AMPH: variants seen among roughly 807,000 people sequenced by gnomAD.
AMPH encodes amphiphysin (Stiff-Mann syndrome with breast cancer 128kD autoantigen).
In AMPH, 49 loss-of-function variants were observed where a neutral mutation model predicts 99.1. The ratio of observed to expected loss-of-function variants is 0.49; its 90% CI spans 0.39 to 0.63. The LOEUF is 0.63. AMPH is among the 20% of genes least tolerant of loss of function. AMPH has a pLI of 0.00. For synonymous variants in AMPH, 314 were observed against 317.3 expected, an observed-to-expected ratio of 0.99 and a Z score of 0.11; for missense variants, 759 against 863.4, an observed-to-expected ratio of 0.88 and a Z score of 1.52.
intron 1 of AMPH, among the ~76,000 whole-genome samples, chr7:38,567,226 C>T (rs1348068097): frequency 6.6e-6 from 1 of 152,148 alleles, no homozygotes; most frequent in African/African-American, 2.4e-5. Flanking sequence ...AGGATGAGTT[C>T]ATGTCCTTTG....
chr7:38,600,741 T>C (rs1793217277), intron 1 of AMPH, among the ~76,000 whole-genome samples: 1 of 152,252 alleles, frequency 6.6e-6, no homozygotes. Flanking sequence ...ATTCTTTCAG[T>C]GCCCTTTTAA....
intron 1 of AMPH, among the ~76,000 whole-genome samples, chr7:38,610,681 T>G (rs1411981019): frequency 6.6e-6 from 1 of 152,124 alleles, no homozygotes; most frequent in Non-Finnish European, 1.5e-5. Flanking sequence ...TTAGGGAGAC[T>G]CCATTGCCAA....
At chr7:38,411,792 A>C (rs1326517454) in intron 17 of AMPH, among the ~76,000 whole-genome samples, 2 of 152,190 alleles carry the variant, frequency 1.3e-5, no homozygotes, top group African/African-American at 4.8e-5. Context: ...CTGGTCTTAC[A>C]TAGGCTACCC....
At chr7:38,440,354 T>C (rs370784644) in intron 11 of AMPH, among the ~76,000 whole-genome samples, 7 of 152,232 alleles carry the variant, frequency 4.6e-5, no homozygotes, top group Admixed American at 3.3e-4. Flanking sequence ...TCAATGAAGA[T>C]TTTCAGACAA....
chr7:38,506,856 CT>C (rs1789343984), intron 2 of AMPH, among the ~76,000 whole-genome samples: 1 of 152,176 alleles, frequency 6.6e-6, no homozygotes, highest in Non-Finnish European at 1.5e-5. Flanking sequence ...CAGCTGTCTG[CT>C]TTAGGATTCT....
At chr7:38,523,291 G>C (rs1790044709) in intron 2 of AMPH, among the ~76,000 whole-genome samples, 2 of 152,134 alleles carry the variant, frequency 1.3e-5, no homozygotes, top group Admixed American at 6.5e-5. Flanking sequence ...AGAAGGCCTA[G>C]AAGTATGATA....
chr7:38,425,402 A>G (rs1785748573), intron 15 of AMPH, among the ~76,000 whole-genome samples: 1 of 152,276 alleles, frequency 6.6e-6, no homozygotes, highest in Non-Finnish European at 1.5e-5. Flanking sequence ...ACTATAGAGT[A>G]TGGGGTTGAA....
intron 13 of AMPH, 87 bp from the exon 14 acceptor site, chr7:38,429,952 T>C (rs1785940515): frequency 1.6e-6 from 2 of 1,249,460 alleles, no homozygotes; most frequent in Non-Finnish European, 2.2e-6. Context: ...GAGTCAACAT[T>C]CTGCTGAAGG....
At chr7:38,398,957 A>T (rs953666461) in intron 17 of AMPH, among the ~76,000 whole-genome samples, 5 of 152,164 alleles carry the variant, frequency 3.3e-5, no homozygotes, top group Non-Finnish European at 7.3e-5. Flanking sequence ...ACGTTGTAGG[A>T]GCAAATACCT....
intron 1 of AMPH, among the ~76,000 whole-genome samples, chr7:38,609,145 C>G (rs573881845): frequency 7.2e-5 from 11 of 152,168 alleles, no homozygotes; most frequent in African/African-American, 2.6e-4. Context: ...GAAATCAGCT[C>G]TCTGTGTTCA....
chr7:38,436,273 T>A lies in AMPH; in HGVS notation c.1133A>T (p.Gln378Leu). ...SAGVTHSPMS[Q>L]TLPWDLWTTS... is the part of the protein sequence containing the mutation. ...AAACATCCAAAAAGCACCTGATACC[T>A]GAGACATGGGTGAGTGGGTCACTCC... is the stretch of plus-strand genomic sequence containing the variant. Residue 378 changes from glutamine (Q) to leucine (L), a missense_variant and splice_region_variant, in exon 12 of 21, where the codon CAG (glutamine) becomes CTG (leucine). Gln to Leu is a moderately radical substitution (Grantham distance 113, BLOSUM62 -2). Around this residue, in one of 2 missense-constraint regions of AMPH, gnomAD observed 554 missense variants for 575.6 expected, o/e 0.96. Coordinates refer to ENST00000356264, the MANE Select transcript of AMPH (RefSeq NM_001635.4). 1.2e-6 allele frequency: 2 copies of A among 1,612,658 alleles called. No individual in the cohort carries two copies. Among genetic ancestry groups the A allele is most frequent in the Non-Finnish European group, 1.7e-6 (2 of 1,178,678 alleles).
At chr7:38,450,131 A>G (rs17499670) in intron 11 of AMPH, among the ~76,000 whole-genome samples, 13,051 of 152,312 alleles carry the variant, frequency 0.086, 773 homozygotes, top group Middle Eastern at 0.18. Context: ...GGAGCATGGT[A>G]GGCATTCCTA....
rs778590722 is a variant in AMPH at position 38,534,955 on chromosome 7, A to G, written c.126T>C (p.Tyr42=). 5 of 1,614,008 alleles carry G rather than the reference A, an allele frequency of 3.1e-6. No individual in the cohort carries two copies. The African/African-American group carries it at 4.0e-5, about 13-fold the overall frequency. The part of the protein sequence containing the change: ...DETKDEQFEE[Y]VQNFKRQEAE... ...CTTCTTGCCGTTTGAAGTTCTGGAC[A>G]TATTCTTCGAACTGTTCGTCTTTTG... The change falls in exon 2 of 21, where the codon TAT becomes TAC. Residue 42 remains tyrosine (Y), a synonymous_variant. Coordinates refer to ENST00000356264, the MANE Select transcript of AMPH (RefSeq NM_001635.4).
At chr7:38,419,387 T>C (rs905108819) in intron 16 of AMPH, among the ~76,000 whole-genome samples, 2 of 74,702 alleles carry the variant, frequency 2.7e-5, no homozygotes, top group African/African-American at 9.2e-5. Flanking sequence ...CGACTATTCT[T>C]TTCAAAAGGA....
At chr7:38,442,527 T>C (rs1786594370) in intron 11 of AMPH, among the ~76,000 whole-genome samples, 1 of 152,124 alleles carries the variant, frequency 6.6e-6, no homozygotes, top group African/African-American at 2.4e-5. Context: ...AACAGAATGG[T>C]CTCTAGAAAA....
chr7:38,491,245 T>C (rs1455389916), intron 4 of AMPH, 100 bp from the exon 5 acceptor site: 8 of 793,280 alleles, frequency 1.0e-5, no homozygotes, highest in Middle Eastern at 2.4e-4. Flanking sequence ...CAAGTAATAC[T>C]TTCCCAGATA....
At chr7:38,524,207 C>T (rs1171479076) in intron 2 of AMPH, among the ~76,000 whole-genome samples, 3 of 152,122 alleles carry the variant, frequency 2.0e-5, no homozygotes, top group African/African-American at 7.2e-5. Context: ...GTGAGGGACA[C>T]TCTACAAATA....
At chr7:38,539,977 G>A (rs185282548) in intron 1 of AMPH, among the ~76,000 whole-genome samples, 1 of 152,228 alleles carries the variant, frequency 6.6e-6, no homozygotes, top group Admixed American at 6.5e-5. Context: ...GTATTTGACA[G>A]TGAGCTGATA....
intron 1 of AMPH, among the ~76,000 whole-genome samples, chr7:38,540,692 CAAAAAAAAAAAAAA>C (rs373768495): frequency 8.6e-4 from 17 of 19,768 alleles, no homozygotes; most frequent in South Asian, 3.2e-3. Flanking sequence ...TGACCCCAAG[CAAAAAAAAAAAAAA>C]AAAAAAAAAA....
Sources: gnomAD v4.1 joint callset for allele counts (sites outside exome capture counted in the v4.1 genomes callset) on GRCh38, gnomAD v4.1.1 for gene constraint, gnomAD v4.1.1 regional missense constraint, MANE v1.5 for transcripts, NCBI Gene and HGNC (gene_info 2026-07-23, HGNC 2026-07-21) for gene names.